KCNH8: variants seen among roughly 807,000 people sequenced by gnomAD.
KCNH8 encodes the protein voltage-gated delayed rectifier potassium channel KCNH8.
A neutral mutation model predicts 103.6 loss-of-function variants in KCNH8; 70 were observed. That is an observed-to-expected ratio of 0.68 (90% CI 0.56 to 0.82). The LOEUF (loss-of-function observed/expected upper bound fraction) is 0.82. Ranked by LOEUF, KCNH8 falls within the 40% of genes least tolerant of loss-of-function variation. The probability of loss-of-function intolerance (pLI) is 0.00; values close to 1 mark genes in which losing one functional copy is unlikely to be tolerated. For missense variants in KCNH8, 1,217 were observed against 1,329.9 expected, an observed-to-expected ratio of 0.92 and a Z score of 1.32; for synonymous variants, 498 against 489.4, an observed-to-expected ratio of 1.02 and a Z score of -0.23.
rs143899799 is a variant in KCNH8, at chr3:19,488,332, G to A, written c.2041-22031G>A. Among the ~76,000 whole-genome samples, 1,149 of 152,288 alleles carry A rather than the reference G, an allele frequency of 7.5e-3. 12 individuals carry two copies. The highest frequency in any genetic ancestry group is 0.019 in the South Asian group (94 of 4,828). ...CCGCGGCCAGTAAGTTGGCGTTTCC[G>A]CCTGGCCTGGTGTTCGGCTTTCTCA... is the stretch of plus-strand genomic sequence containing the variant. On this transcript the variant is annotated intron_variant, in intron 11 of 15. Coordinates refer to ENST00000328405, the MANE Select transcript of KCNH8 (RefSeq NM_144633.3).
At chr3:19,251,074 GAC>G (rs1399695874) in intron 1 of KCNH8, among the ~76,000 whole-genome samples, 1 of 152,064 alleles carries the variant, frequency 6.6e-6, no homozygotes, top group Non-Finnish European at 1.5e-5. Context: ...GTTGGGGAGA[GAC>G]ACACACTATT....
intron 11 of KCNH8, among the ~76,000 whole-genome samples, chr3:19,463,057 C>A (rs2067666275): frequency 6.6e-6 from 1 of 152,098 alleles, no homozygotes; most frequent in Admixed American, 6.6e-5. Context: ...TACAGTATAA[C>A]AACTATTTAC....
intron 1 of KCNH8, among the ~76,000 whole-genome samples, chr3:19,153,860 A>C (rs11916273): frequency 0.049 from 7,392 of 151,724 alleles, 578 homozygotes; most frequent in African/African-American, 0.16. Context: ...TCTTGAACTC[A>C]TGACCTCGTG....
At chr3:19,300,250 A>T (rs77781510) in intron 3 of KCNH8, among the ~76,000 whole-genome samples, 2 of 136,906 alleles carry the variant, frequency 1.5e-5, no homozygotes, top group African/African-American at 2.6e-5. Context: ...CTCTGTCTAT[A>T]AAAAAAAAAA....
intron 3 of KCNH8, 65 bp downstream of exon 3, chr3:19,281,394 C>T: frequency 6.9e-7 from 1 of 1,449,966 alleles, no homozygotes; most frequent in South Asian, 1.3e-5. Context: ...TACTTAAAAA[C>T]TCTTGGAGAA....
At chr3:19,425,056 T>A (rs113358576) in intron 7 of KCNH8, among the ~76,000 whole-genome samples, 34 of 152,314 alleles carry the variant, frequency 2.2e-4, no homozygotes, top group African/African-American at 8.2e-4. Flanking sequence ...AGCTTTTCTT[T>A]TGTTTCTGAT....
At chr3:19,183,856 T>G (rs1197842625) in intron 1 of KCNH8, among the ~76,000 whole-genome samples, 2 of 152,144 alleles carry the variant, frequency 1.3e-5, no homozygotes, top group East Asian at 3.8e-4. Context: ...TGAACCTGAT[T>G]AGCAAACAGG....
chr3:19,341,083 T>A (rs2065653446), intron 3 of KCNH8, among the ~76,000 whole-genome samples: 1 of 152,086 alleles, frequency 6.6e-6, no homozygotes, highest in African/African-American at 2.4e-5. Flanking sequence ...TTTTCTTGAT[T>A]CTTCTTTTGA....
chr3:19,275,214 T>C (rs1479860359), intron 2 of KCNH8, among the ~76,000 whole-genome samples: 2 of 151,982 alleles, frequency 1.3e-5, no homozygotes, highest in East Asian at 1.9e-4. Context: ...TTTATGTTTA[T>C]TCTGCCAGTG....
intron 5 of KCNH8, among the ~76,000 whole-genome samples, chr3:19,373,530 A>G (rs979417853): frequency 6.6e-6 from 1 of 151,808 alleles, no homozygotes; most frequent in Non-Finnish European, 1.5e-5. Context: ...CTAGCGGTCT[A>G]TCAGTTTTGT....
intron 7 of KCNH8, among the ~76,000 whole-genome samples, chr3:19,428,034 CT>C (rs2067055264): frequency 6.6e-6 from 1 of 152,206 alleles, no homozygotes; most frequent in African/African-American, 2.4e-5. Context: ...AGTGTAATGA[CT>C]TTCAATTCAG....
intron 1 of KCNH8, among the ~76,000 whole-genome samples, chr3:19,189,563 A>G (rs570063859): frequency 2.0e-5 from 3 of 152,010 alleles, no homozygotes; most frequent in Non-Finnish European, 4.4e-5. Context: ...TGGTTTTCTT[A>G]GGAAAAATTT....
At chr3:19,197,462 G>A (rs1433597100) in intron 1 of KCNH8, among the ~76,000 whole-genome samples, 1 of 152,024 alleles carries the variant, frequency 6.6e-6, no homozygotes, top group Non-Finnish European at 1.5e-5. Flanking sequence ...CTAAAAGTTA[G>A]CACGTGTCTG....
At chr3:19,311,090 A>G (rs1364673493) in intron 3 of KCNH8, among the ~76,000 whole-genome samples, 1 of 151,724 alleles carries the variant, frequency 6.6e-6, no homozygotes, top group Non-Finnish European at 1.5e-5. Flanking sequence ...CATTTAGTGC[A>G]GGTCCACAGA....
intron 1 of KCNH8, among the ~76,000 whole-genome samples, chr3:19,190,778 AG>A: frequency 6.6e-6 from 1 of 152,046 alleles, no homozygotes; most frequent in Admixed American, 6.6e-5. Context: ...GACTGTGCGC[AG>A]GAAGAAGTAT....
At chr3:19,194,053 C>G (rs946095981) in intron 1 of KCNH8, among the ~76,000 whole-genome samples, 1 of 151,728 alleles carries the variant, frequency 6.6e-6, no homozygotes, top group Non-Finnish European at 1.5e-5. Flanking sequence ...TTGTAACTAC[C>G]TAAATGATAT....
intron 15 of KCNH8, 73 bp from the exon 16 acceptor site, chr3:19,533,322 C>T: frequency 1.1e-6 from 1 of 884,636 alleles, no homozygotes. Context: ...CACTTCCCTG[C>T]TTCATTTCTC....
chr3:19,268,718 T>C (rs1334938205), intron 2 of KCNH8, among the ~76,000 whole-genome samples: 1 of 151,984 alleles, frequency 6.6e-6, no homozygotes, highest in African/African-American at 2.4e-5. Flanking sequence ...CTGGGATTTA[T>C]TGAGTGCCAC....
chr3:19,232,250 G>T (rs766150655), intron 1 of KCNH8, among the ~76,000 whole-genome samples: 4 of 152,086 alleles, frequency 2.6e-5, no homozygotes, highest in Non-Finnish European at 4.4e-5. Context: ...ACTTGAATAC[G>T]TCATCTGTGC....
Sources: allele counts gnomAD v4.1 joint callset (sites outside exome capture counted in the v4.1 genomes callset), GRCh38; gene constraint gnomAD v4.1.1; transcripts MANE v1.5; gene names NCBI Gene and HGNC (gene_info 2026-07-23, HGNC 2026-07-21).